Variants in ETV1 observed in about 807,000 individuals in gnomAD.
ETV1 encodes the protein ETS translocation variant 1.
In ETV1, 27 loss-of-function variants were observed where a neutral mutation model predicts 62.3. That is an observed-to-expected ratio of 0.43 (90% CI 0.32 to 0.60). The LOEUF is 0.60. Among genes scored for constraint, ETV1 ranks in the 20% least tolerant of loss-of-function variants. The pLI is 0.06. For synonymous variants in ETV1, 222 were observed against 199.6 expected, an observed-to-expected ratio of 1.11 and a Z score of -0.94; for missense variants, 605 against 605.8, an observed-to-expected ratio of 1.00 and a Z score of 0.01.
At chr7:13,896,285 G>A (rs1289330686) in intron 13 of ETV1, among the ~76,000 whole-genome samples, 198 bp from the exon 14 acceptor site, 1 of 151,826 alleles carries the variant, frequency 6.6e-6, no homozygotes, top group Non-Finnish European at 1.5e-5. Flanking sequence ...GTTCAGTCAA[G>A]GGAGATGCAA....
At chr7:13,917,295 T>C (rs1355450281) in intron 9 of ETV1, among the ~76,000 whole-genome samples, 8 of 128,102 alleles carry the variant, frequency 6.2e-5, no homozygotes, top group Non-Finnish European at 1.0e-4. Context: ...TGAGTATTTA[T>C]TTATTTATTT....
At chr7:13,989,209 T>C in intron 2 of ETV1, 59 bp downstream of exon 2, 1 of 633,000 alleles carries the variant, frequency 1.6e-6, no homozygotes, top group Non-Finnish European at 2.7e-6. Flanking sequence ...TTTGCATAGC[T>C]AATTACCCTC....
rs183568065 is a variant in ETV1 at position 13,917,050 on chromosome 7, C to T, written c.803-5743G>A. ...CTTTTGAAAGTTTAAGGCTACATGGCGAAAAATAACAGTATAGAATTTTAT... is the reference window on the plus strand; with the variant it reads ...CTTTTGAAAGTTTAAGGCTACATGGTGAAAAATAACAGTATAGAATTTTAT... On this transcript the variant is annotated intron_variant, in intron 9 of 13. Coordinates refer to ENST00000430479, the MANE Select transcript of ETV1 (RefSeq NM_004956.5). Among the ~76,000 whole-genome samples the T allele has an allele frequency of 1.0e-3, 153 of 151,792 alleles. 1 individual carries two copies. Among genetic ancestry groups the T allele is most frequent in the African/African-American group, 3.3e-3 (136 of 41,406 alleles).
chr7:13,940,318 T>C lies in ETV1; in HGVS notation c.236-1072A>G, dbSNP rs560712243. ...TGGAGGTTGCAGTGAGCCGAGATCA[T>C]GCCATTGCACTCCAGCCTGGGCAAC... is the stretch of plus-strand genomic sequence containing the variant. On this transcript the variant is annotated intron_variant, in intron 6 of 13. Coordinates refer to ENST00000430479, the MANE Select transcript of ETV1 (RefSeq NM_004956.5). Among the ~76,000 whole-genome samples the C allele has an allele frequency of 3.4e-5, 5 of 148,020 alleles. No individual in the cohort carries two copies. The East Asian group carries it at 9.9e-4, about 29-fold the overall frequency.
chr7:13,929,788 G>C (rs917832493), intron 9 of ETV1, among the ~76,000 whole-genome samples: 6 of 152,144 alleles, frequency 3.9e-5, no homozygotes, highest in Non-Finnish European at 4.4e-5. Context: ...TAGAAGTTGA[G>C]GCATGCCTCA....
At chr7:13,902,995 CA>C (rs1782590538) in intron 12 of ETV1, among the ~76,000 whole-genome samples, 1 of 152,128 alleles carries the variant, frequency 6.6e-6, no homozygotes, top group Non-Finnish European at 1.5e-5. Flanking sequence ...GAGATGCAGA[CA>C]AGACAAAAGT....
chr7:13,906,241 G>C, intron 12 of ETV1, 189 bp downstream of exon 12: 1 of 432,888 alleles, frequency 2.3e-6, no homozygotes, highest in Non-Finnish European at 4.0e-6. Flanking sequence ...TATACAACCG[G>C]AAGGAACACG....
chr7:13,950,536 G>A (rs1339496288), intron 6 of ETV1, among the ~76,000 whole-genome samples: 2 of 152,160 alleles, frequency 1.3e-5, no homozygotes, highest in East Asian at 3.9e-4. Context: ...CTAGACCTGA[G>A]GACAGACTGG....
intron 3 of ETV1, 27 bp downstream of exon 3, chr7:13,988,981 A>G (rs1469544279): frequency 1.3e-6 from 2 of 1,590,282 alleles, no homozygotes; most frequent in Admixed American, 3.5e-5. Context: ...AAGTTTATAA[A>G]CAGCAACTTT....
At chr7:13,902,130 A>T (rs1251321642) in intron 12 of ETV1, among the ~76,000 whole-genome samples, 1 of 152,170 alleles carries the variant, frequency 6.6e-6, no homozygotes, top group Non-Finnish European at 1.5e-5. Context: ...CCCCAAGAGG[A>T]CATTATCTAA....
At chr7:13,909,057 TA>T (rs924226419) in intron 11 of ETV1, among the ~76,000 whole-genome samples, 145 of 151,756 alleles carry the variant, frequency 9.6e-4, no homozygotes, top group African/African-American at 3.4e-3. Context: ...CAAGTGATAT[TA>T]AAAAGGTAAT....
In ETV1 at chr7:13,896,029, A is replaced by G; in HGVS notation, c.1271T>C (p.Met424Thr). The G allele has an allele frequency of 2.5e-6, 4 of 1,613,848 alleles. No homozygotes were observed. Among genetic ancestry groups the G allele is most frequent in the Middle Eastern group, 1.6e-4 (1 of 6,062 alleles). Residue 424 changes from methionine to threonine, a missense_variant, in exon 14 of 14, where the codon ATG becomes ACG. Coordinates refer to ENST00000430479, the MANE Select transcript of ETV1 (RefSeq NM_004956.5). ...TGGACGCTGATTATCTGGAAAGGCC[A>G]TGGAGAAAAGGGCTTCTGGATCACA... ...FVCDPEALFS[M>T]AFPDNQRPLL...
At chr7:13,938,031 C>T (rs1217876942) in intron 7 of ETV1, among the ~76,000 whole-genome samples, 1 of 152,160 alleles carries the variant, frequency 6.6e-6, no homozygotes, top group African/African-American at 2.4e-5. Context: ...CAGCAACCTC[C>T]ACCTCCCAGG....
chr7:13,958,137 T>C (rs1418088014), intron 6 of ETV1, among the ~76,000 whole-genome samples: 1 of 152,254 alleles, frequency 6.6e-6, no homozygotes, highest in Non-Finnish European at 1.5e-5. Context: ...GTTTAGCATG[T>C]ATTTGTTTTA....
intron 6 of ETV1, among the ~76,000 whole-genome samples, chr7:13,945,293 T>A (rs10950500): frequency 0.37 from 56,676 of 151,954 alleles, 10,782 homozygotes; most frequent in East Asian, 0.51. Flanking sequence ...GAGTTTTTTT[T>A]AAAAATCCAG....
intron 9 of ETV1, among the ~76,000 whole-genome samples, chr7:13,915,630 A>T (rs1784069593): frequency 6.6e-6 from 1 of 152,226 alleles, no homozygotes; most frequent in African/African-American, 2.4e-5. Context: ...ATGTGTTTAA[A>T]TGCAAAGCCA....
chr7:13,899,224 T>C (rs1193493552), intron 13 of ETV1, among the ~76,000 whole-genome samples: 1 of 152,102 alleles, frequency 6.6e-6, no homozygotes, highest in Non-Finnish European at 1.5e-5. Context: ...TGGAATGTAT[T>C]TGAAGGATCT....
intron 9 of ETV1, among the ~76,000 whole-genome samples, chr7:13,924,823 G>T (rs1785225163): frequency 6.6e-6 from 1 of 152,172 alleles, no homozygotes; most frequent in African/African-American, 2.4e-5. Context: ...GGAGAAGTTT[G>T]AAGTAGGTGA....
upstream of ETV1, chr7:13,991,310 G>A (rs1047501469): frequency 4.6e-5 from 7 of 152,338 alleles, no homozygotes; most frequent in Non-Finnish European, 8.8e-5. Context: ...TGTAATCTGA[G>A]CAACAGTTTC....
Sources: gnomAD v4.1 joint callset for allele counts (sites outside exome capture counted in the v4.1 genomes callset) on GRCh38, gnomAD v4.1.1 for gene constraint, MANE v1.5 for transcripts, NCBI Gene and HGNC (gene_info 2026-07-23, HGNC 2026-07-21) for gene names.